Variants in NOL10 observed in about 807,000 individuals in gnomAD.
The protein encoded by NOL10 is H_NH0074G24.1.
Under a neutral mutation model 103.5 loss-of-function variants are expected in NOL10, and 58 were observed. That is an observed-to-expected ratio of 0.56 (90% confidence interval 0.45 to 0.70). The LOEUF is 0.70. Ranked by LOEUF, NOL10 falls within the 30% of genes least tolerant of loss-of-function variation. The pLI is 0.00. For missense variants in NOL10, 763 were observed against 807.3 expected (o/e 0.95, Z 0.67); for synonymous variants, 287 against 282.5 (o/e 1.02, Z -0.16).
chr2:10,597,001 GCCCTGTA>G (rs1675727437), intron 17 of NOL10, among the ~76,000 whole-genome samples: 1 of 151,636 alleles, frequency 6.6e-6, no homozygotes, highest in African/African-American at 2.4e-5. Flanking sequence ...ATGCTGTCTT[GCCCTGTA>G]GCCCAGGCTG....
intron 20 of NOL10, among the ~76,000 whole-genome samples, chr2:10,574,665 G>C (rs1032033588): frequency 1.3e-5 from 2 of 150,918 alleles, no homozygotes; most frequent in Non-Finnish European, 2.9e-5. Flanking sequence ...AAAAAAAAGG[G>C]TTTCTTCATA....
chr2:10,607,564 T>C (rs2148194047), intron 13 of NOL10, among the ~76,000 whole-genome samples: 1 of 152,278 alleles, frequency 6.6e-6, no homozygotes, highest in South Asian at 2.1e-4. Context: ...TGAATGTTCT[T>C]ATATTAGCAC....
At chr2:10,653,655 C>G (rs7598679) in intron 12 of NOL10, among the ~76,000 whole-genome samples, 3,350 of 152,226 alleles carry the variant, frequency 0.022, 124 homozygotes, top group African/African-American at 0.077. Context: ...CACTCCTCCC[C>G]ACCCCAACCG....
intron 20 of NOL10, among the ~76,000 whole-genome samples, chr2:10,573,785 C>T (rs1404430097): frequency 1.3e-5 from 2 of 152,086 alleles, no homozygotes; most frequent in African/African-American, 2.4e-5. Context: ...AAATCCTGTC[C>T]TGTGTATTCT....
chr2:10,654,505 C>A lies in NOL10; in HGVS notation c.949G>T (p.Asp317Tyr). The A allele has an allele frequency of 6.2e-7, 1 of 1,601,264 alleles. No homozygotes were observed. Among genetic ancestry groups the A allele is most frequent in the Non-Finnish European group, 8.5e-7 (1 of 1,176,864 alleles). Residue 317 changes from aspartate (D) to tyrosine (Y), a missense_variant, in exon 12 of 21, where the codon GAT (aspartate) becomes TAT (tyrosine). Asp to Tyr is a radical substitution (Grantham distance 160). Coordinates refer to ENST00000381685, the MANE Select transcript of NOL10 (RefSeq NM_024894.4). ...CCTGAGTTGGGGTAGAGACAAACAT[C>A]ATTAAGGTCATGCTCTGGCTCCAAG... ...TSLEPEHDLNDVCLYPNSGML... is the reference protein window; with the variant it reads ...TSLEPEHDLNYVCLYPNSGML...
chr2:10,589,321 T>A, intron 18 of NOL10, 31 bp from the exon 19 acceptor site: 1 of 1,609,528 alleles, frequency 6.2e-7, no homozygotes, highest in Non-Finnish European at 8.5e-7. Context: ...CAGCAACTCC[T>A]TTCCCCCAGT....
At chr2:10,684,443 C>A in intron 2 of NOL10, 124 bp downstream of exon 2, 1 of 753,094 alleles carries the variant, frequency 1.3e-6, no homozygotes, top group South Asian at 1.9e-5. Flanking sequence ...GGGACAAGAG[C>A]ATTCATTTTC....
In NOL10 at chr2:10,611,839, C is replaced by T. The variant is rs113612831; in HGVS notation, c.1027-4528G>A. Among the ~76,000 whole-genome samples, 558 of 152,240 alleles carry T rather than the reference C, an allele frequency of 3.7e-3. 7 individuals are homozygous for T. Among genetic ancestry groups the T allele is most frequent in the African/African-American group, 0.012 (500 of 41,550 alleles). On this transcript the variant is annotated intron_variant, in intron 13 of 20. Transcript: ENST00000381685. ...CTGAGGCATGAGAATCGCTTGAACC[C>T]GGGAGGTGGAGGTTGCAGTGAGCCA...
At position 10,631,717 on chromosome 2, in the gene NOL10, G is replaced by GT. The variant is rs35958352; in HGVS notation, c.1026+12602dup. Among the ~76,000 whole-genome samples the GT allele has an allele frequency of 2.3e-3, 324 of 141,764 alleles. 1 individual carries two copies. Among genetic ancestry groups the GT allele is most frequent in the East Asian group, 5.3e-3 (26 of 4,914 alleles). The allele number at this position is 141,764 out of a possible 152,430, so 93.0% of individuals were successfully genotyped here. A position where few individuals can be genotyped will look rare whatever the true frequency, so the allele number is the denominator to read the frequency against. The stretch of plus-strand genomic sequence containing the variant: ...GGCACACATGAACCATGTTCTCCCT[G>GT]TTTTTTTTTTTTTTTTAGATGGAGT... On this transcript the variant is annotated intron_variant, in intron 13 of 20. Transcript: ENST00000381685.
At chr2:10,643,801 T>C (rs1284458147) in intron 13 of NOL10, among the ~76,000 whole-genome samples, 1 of 152,230 alleles carries the variant, frequency 6.6e-6, no homozygotes, top group Non-Finnish European at 1.5e-5. Context: ...TAATTTATAA[T>C]GTCTGTTTTA....
chr2:10,578,142 G>A (rs1310873176), intron 19 of NOL10, among the ~76,000 whole-genome samples: 1 of 152,160 alleles, frequency 6.6e-6, no homozygotes, highest in Non-Finnish European at 1.5e-5. Flanking sequence ...ACACAAATTA[G>A]GTATGTGAGT....
intron 12 of NOL10, among the ~76,000 whole-genome samples, chr2:10,651,768 AG>A (rs1293490501): frequency 6.6e-6 from 1 of 152,180 alleles, no homozygotes; most frequent in African/African-American, 2.4e-5. Context: ...ACCCTGGTGT[AG>A]GTCATTTCAA....
At chr2:10,612,029 A>G (rs1250721328) in intron 13 of NOL10, among the ~76,000 whole-genome samples, 1 of 152,162 alleles carries the variant, frequency 6.6e-6, no homozygotes. Flanking sequence ...AGGGTGAGAT[A>G]GGAGGATCCC....
intron 13 of NOL10, among the ~76,000 whole-genome samples, chr2:10,641,440 T>G (rs1020371072): frequency 7.9e-5 from 12 of 152,184 alleles, no homozygotes; most frequent in African/African-American, 2.9e-4. Context: ...ATGGTAGTTA[T>G]AGTATTATCA....
chr2:10,581,279 G>A (rs1199781307), intron 19 of NOL10, among the ~76,000 whole-genome samples: 4 of 152,006 alleles, frequency 2.6e-5, no homozygotes, highest in East Asian at 1.9e-4. Context: ...GTCTCTTATC[G>A]CATACCCCCG....
At chr2:10,666,979 G>A (rs574584986) in intron 8 of NOL10, among the ~76,000 whole-genome samples, 1 of 152,150 alleles carries the variant, frequency 6.6e-6, no homozygotes, top group East Asian at 1.9e-4. Context: ...AGTGAAAAAT[G>A]CAAATCTACA....
At chr2:10,631,797 C>T (rs1465272008) in intron 13 of NOL10, among the ~76,000 whole-genome samples, 1 of 151,810 alleles carries the variant, frequency 6.6e-6, no homozygotes, top group Non-Finnish European at 1.5e-5. Flanking sequence ...TCACTGCAAC[C>T]TCTGCCTCCC....
chr2:10,617,333 T>C (rs1227972682), intron 13 of NOL10, among the ~76,000 whole-genome samples: 1 of 152,194 alleles, frequency 6.6e-6, no homozygotes, highest in Non-Finnish European at 1.5e-5. Context: ...TGAGGATCAC[T>C]CTGGCAGAGG....
Position 10,607,421 on chromosome 2 carries a change from A to G in NOL10, c.1027-110T>C, listed in dbSNP as rs921315758. The G allele has an allele frequency of 1.8e-5, 22 of 1,212,810 alleles. No homozygotes were observed. The East Asian group carries it at 3.1e-4, about 17-fold the overall frequency. 75.1% of individuals were successfully genotyped at this position (1,212,810 alleles called of 1,614,324 possible). A position where few individuals can be genotyped will look rare whatever the true frequency, so the allele number is the denominator to read the frequency against. ...ACATGATTTCTAAATCCTTTTTTCT[A>G]TCAGAAGTATTGACAAATGGATGCA... On this transcript the variant is annotated intron_variant, in intron 13 of 20. Coordinates refer to ENST00000381685, the MANE Select transcript of NOL10 (RefSeq NM_024894.4).
Sources: allele counts gnomAD v4.1 joint callset (sites outside exome capture counted in the v4.1 genomes callset), GRCh38; gene constraint gnomAD v4.1.1; transcripts MANE v1.5; gene names NCBI Gene and HGNC (gene_info 2026-07-23, HGNC 2026-07-21).